The following GALNT17 variants were observed in gnomAD, a reference collection of about 807,000 sequenced individuals.
GALNT17 encodes polypeptide N-acetylgalactosaminyltransferase 17.
In GALNT17, 29 loss-of-function variants were observed where a neutral mutation model predicts 63.7. The ratio of observed to expected loss-of-function variants is 0.46; its 90% CI spans 0.34 to 0.62. The LOEUF is 0.62. Ranked by LOEUF, GALNT17 falls within the 20% of genes least tolerant of loss-of-function variation. GALNT17 has a pLI of 0.01. For synonymous variants in GALNT17, 305 were observed against 318.3 expected (o/e 0.96, Z 0.45); for missense variants, 603 against 799.6 (o/e 0.75, Z 2.97).
chr7:71,377,110 A>ATATATATATATAT (rs1563047531), intron 2 of GALNT17, among the ~76,000 whole-genome samples: 2 of 63,470 alleles, frequency 3.2e-5, no homozygotes, highest in Non-Finnish European at 5.8e-5. Flanking sequence ...ATAAAAATAA[A>ATATATATATATAT]AAAAATATAT....
intron 5 of GALNT17, among the ~76,000 whole-genome samples, chr7:71,508,011 G>T (rs892572135): frequency 1.3e-5 from 2 of 152,096 alleles, no homozygotes; most frequent in African/African-American, 4.8e-5. Flanking sequence ...TTTAAGCTGC[G>T]CCAGTCCACC....
At chr7:71,419,943 A>G (rs1403557036) in intron 4 of GALNT17, among the ~76,000 whole-genome samples, 29 of 152,244 alleles carry the variant, frequency 1.9e-4, no homozygotes, top group African/African-American at 5.1e-4. Context: ...AGGTAATTCA[A>G]TAGCTGCAAA....
intron 6 of GALNT17, among the ~76,000 whole-genome samples, chr7:71,638,399 C>G (rs995977054): frequency 1.3e-5 from 2 of 152,162 alleles, no homozygotes; most frequent in African/African-American, 4.8e-5. Context: ...ATCCCCTATT[C>G]AAGATGGAGT....
chr7:71,316,170 C>T (rs189665033), intron 1 of GALNT17, among the ~76,000 whole-genome samples: 1 of 114,372 alleles, frequency 8.7e-6, no homozygotes, highest in Admixed American at 9.5e-5. Context: ...AAGGCAGGAG[C>T]CTCGCAGGCC....
intron 1 of GALNT17, among the ~76,000 whole-genome samples, chr7:71,286,655 A>G (rs952378842): frequency 5.3e-5 from 8 of 152,162 alleles, no homozygotes; most frequent in African/African-American, 1.9e-4. Flanking sequence ...TGCTAGCTCC[A>G]ACATGAACTG....
intron 1 of GALNT17, among the ~76,000 whole-genome samples, chr7:71,165,724 A>T (rs1788428376): frequency 6.6e-6 from 1 of 152,194 alleles, no homozygotes; most frequent in African/African-American, 2.4e-5. Flanking sequence ...TTTCCTTTGT[A>T]TTGCAAATGA....
chr7:71,568,062 G>A (rs900433333), intron 5 of GALNT17, among the ~76,000 whole-genome samples: 3 of 152,224 alleles, frequency 2.0e-5, no homozygotes, highest in African/African-American at 7.2e-5. Flanking sequence ...GGTGGCCCCA[G>A]TGGAGTTTCA....
At chr7:71,279,092 A>G (rs1323635542) in intron 1 of GALNT17, among the ~76,000 whole-genome samples, 2 of 151,554 alleles carry the variant, frequency 1.3e-5, no homozygotes, top group African/African-American at 2.4e-5. Context: ...CGTCCAGCTA[A>G]TTTTTGTATT....
intron 5 of GALNT17, among the ~76,000 whole-genome samples, chr7:71,464,296 T>C (rs907955632): frequency 2.0e-5 from 3 of 152,102 alleles, no homozygotes; most frequent in African/African-American, 7.2e-5. Context: ...TCAAACCTGA[T>C]TTTGCAGGAT....
At chr7:71,398,702 T>C (rs73360199) in intron 3 of GALNT17, among the ~76,000 whole-genome samples, 6,884 of 152,226 alleles carry the variant, frequency 0.045, 545 homozygotes, top group African/African-American at 0.16. Context: ...TGGGGAGTTA[T>C]TGCTTAAGGG....
intron 1 of GALNT17, among the ~76,000 whole-genome samples, chr7:71,229,919 C>T (rs961920523): frequency 1.3e-5 from 2 of 152,214 alleles, no homozygotes; most frequent in Admixed American, 1.3e-4. Flanking sequence ...TGGACTGAGC[C>T]AGAGGCCAGC....
At chr7:71,547,031 G>A (rs1296480305) in intron 5 of GALNT17, among the ~76,000 whole-genome samples, 1 of 151,206 alleles carries the variant, frequency 6.6e-6, no homozygotes, top group South Asian at 2.1e-4. Context: ...TCACTCTGTC[G>A]CCCAGGCTGG....
chr7:71,335,322 A>G (rs549238589), intron 1 of GALNT17, among the ~76,000 whole-genome samples: 6 of 152,098 alleles, frequency 3.9e-5, no homozygotes, highest in Non-Finnish European at 5.9e-5. Context: ...TGGTAGAGAC[A>G]GAGGGAGAGG....
At chr7:71,299,856 C>T (rs1446792268) in intron 1 of GALNT17, among the ~76,000 whole-genome samples, 1 of 152,040 alleles carries the variant, frequency 6.6e-6, no homozygotes, top group Non-Finnish European at 1.5e-5. Context: ...ACCTCCGCCT[C>T]CCGGGTTCAA....
chr7:71,704,023 T>C (rs1427188732), intron 9 of GALNT17, among the ~76,000 whole-genome samples: 1 of 152,116 alleles, frequency 6.6e-6, no homozygotes, highest in Non-Finnish European at 1.5e-5. Flanking sequence ...GAGAGTCACA[T>C]GAGGCAAATG....
rs10226321 is a variant in GALNT17 at position 71,712,192 on chromosome 7, G to C, written c.*46G>C. ...GGAGCCTGGCCCCCAGGACATGGCTGCTCCCCCCAACATCTGGACCAGCTG... is the reference window on the plus strand; with the variant it reads ...GGAGCCTGGCCCCCAGGACATGGCTCCTCCCCCCAACATCTGGACCAGCTG... On this transcript the variant is annotated 3_prime_UTR_variant, in exon 11 of 11. Coordinates refer to ENST00000333538, the MANE Select transcript of GALNT17 (RefSeq NM_022479.3). 219,817 of 1,587,314 alleles carry C rather than the reference G, an allele frequency of 0.14. 16,380 individuals are homozygous for C. The highest frequency in any genetic ancestry group is 0.21 in the African/African-American group (15,748 of 73,730).
chr7:71,210,852 A>G (rs1454483271), intron 1 of GALNT17, among the ~76,000 whole-genome samples: 5 of 152,234 alleles, frequency 3.3e-5, no homozygotes, highest in African/African-American at 2.4e-5. Context: ...ATGGACATGT[A>G]GTACATTGTC....
At chr7:71,214,157 G>C (rs1585886170) in intron 1 of GALNT17, among the ~76,000 whole-genome samples, 1 of 152,352 alleles carries the variant, frequency 6.6e-6, no homozygotes, top group Non-Finnish European at 1.5e-5. Flanking sequence ...TTTAAACTCA[G>C]TTGCTGTTGG....
At chr7:71,538,668 C>T (rs1300103656) in intron 5 of GALNT17, among the ~76,000 whole-genome samples, 1 of 152,154 alleles carries the variant, frequency 6.6e-6, no homozygotes, top group Non-Finnish European at 1.5e-5. Flanking sequence ...AGCTTTTCCA[C>T]TGTCAAATTA....
Sources: allele counts gnomAD v4.1 joint callset (sites outside exome capture counted in the v4.1 genomes callset), GRCh38; gene constraint gnomAD v4.1.1; transcripts MANE v1.5; gene names NCBI Gene and HGNC (gene_info 2026-07-23, HGNC 2026-07-21).